The following EXT1 variants were observed in gnomAD, a reference collection of about 807,000 sequenced individuals.
EXT1 encodes exostosin glycosyltransferase 1.
In EXT1, 20 loss-of-function variants were observed where a neutral mutation model predicts 82.5. The ratio of observed to expected loss-of-function variants is 0.24; its 90% CI spans 0.17 to 0.35. The LOEUF is 0.35. Ranked by LOEUF, EXT1 falls within the 10% of genes least tolerant of loss-of-function variation. The probability of loss-of-function intolerance (pLI) is 1.00; values close to 1 mark genes in which losing one functional copy is unlikely to be tolerated. For missense variants in EXT1, 757 were observed against 936.5 expected (o/e 0.81, Z 2.50); for synonymous variants, 348 against 350.8 (o/e 0.99, Z 0.09).
At chr8:117,850,784 T>C (rs1399144493) in intron 1 of EXT1, among the ~76,000 whole-genome samples, 3 of 152,110 alleles carry the variant, frequency 2.0e-5, no homozygotes, top group South Asian at 2.1e-4. Flanking sequence ...AAGTCAACCA[T>C]TGGAGCATTT....
chr8:118,062,907 A>G (rs577936870), intron 1 of EXT1, among the ~76,000 whole-genome samples: 1 of 152,282 alleles, frequency 6.6e-6, no homozygotes, highest in African/African-American at 2.4e-5. Flanking sequence ...TCCCTCAAAC[A>G]CCTCATAACT....
chr8:117,819,013 T>C lies in EXT1; in HGVS notation c.1537-483A>G, dbSNP rs1475736083. Among the ~76,000 whole-genome samples, 5 of 152,220 alleles carry C rather than the reference T, an allele frequency of 3.3e-5. No individual in the cohort carries two copies. The East Asian group carries it at 9.6e-4, about 29-fold the overall frequency. ...GCTAGAACTAAGATGAGCTCATGTTTTGCATGCTCTAGAATGGTTGCTGAT... is the reference window on the plus strand; with the variant it reads ...GCTAGAACTAAGATGAGCTCATGTTCTGCATGCTCTAGAATGGTTGCTGAT... On this transcript the variant is annotated intron_variant, in intron 6 of 10. Coordinates refer to ENST00000378204, the MANE Select transcript of EXT1 (RefSeq NM_000127.3).
intron 1 of EXT1, among the ~76,000 whole-genome samples, chr8:118,082,556 A>G (rs913570274): frequency 2.6e-5 from 4 of 152,218 alleles, no homozygotes; most frequent in African/African-American, 7.2e-5. Context: ...TAAGGTGACA[A>G]TAAGATTGAG....
intron 1 of EXT1, among the ~76,000 whole-genome samples, chr8:117,927,157 C>T (rs897526158): frequency 1.3e-5 from 2 of 152,188 alleles, no homozygotes; most frequent in Non-Finnish European, 1.5e-5. Context: ...CAATTCCACT[C>T]ACTGATTTTT....
intron 1 of EXT1, among the ~76,000 whole-genome samples, chr8:118,008,869 G>GA (rs1815836457): frequency 6.6e-6 from 1 of 152,110 alleles, no homozygotes; most frequent in Non-Finnish European, 1.5e-5. Context: ...TGAAATACAT[G>GA]AAAAATATGT....
chr8:118,021,518 C>T (rs1469552562), intron 1 of EXT1, among the ~76,000 whole-genome samples: 1 of 152,150 alleles, frequency 6.6e-6, no homozygotes, highest in Non-Finnish European at 1.5e-5. Flanking sequence ...GTAAAATGAA[C>T]ACTTCTGGAA....
intron 4 of EXT1, among the ~76,000 whole-genome samples, chr8:117,827,784 C>CAAAAAAAAAAAAAAAAAAAAAAAAAAAA (rs768731740): frequency 3.7e-5 from 2 of 54,128 alleles, no homozygotes; most frequent in Admixed American, 3.1e-4. Context: ...GACTCTGTCT[C>CAAAAAAAAAAAAAAAAAAAAAAAAAAAA]AAAAAAAAAA....
chr8:118,007,661 T>C (rs1246909608), intron 1 of EXT1, among the ~76,000 whole-genome samples: 1 of 152,202 alleles, frequency 6.6e-6, no homozygotes, highest in Non-Finnish European at 1.5e-5. Context: ...AGGTCTAACA[T>C]GATTCTAGAG....
intron 1 of EXT1, among the ~76,000 whole-genome samples, chr8:118,096,884 C>T (rs551166986): frequency 6.6e-6 from 1 of 152,296 alleles, no homozygotes; most frequent in African/African-American, 2.4e-5. Flanking sequence ...TTTAGAGACT[C>T]CATACTTTGA....
Position 117,980,697 on chromosome 8 carries a change from G to GTTTTTTTTTTTTTTTTTTTTTT in EXT1, c.962+129387_962+129388insAAAAAAAAAAAAAAAAAAAAAA, listed in dbSNP as rs1491146564. 7.3e-5 allele frequency among the ~76,000 whole-genome samples: 2 copies of GTTTTTTTTTTTTTTTTTTTTTT among 27,584 alleles called. 1 individual carries two copies. 18.1% of individuals were successfully genotyped at this position (27,584 alleles called of 152,430 possible). On this transcript the variant is annotated intron_variant, in intron 1 of 10. Transcript: ENST00000378204. ...AAGGTTTGTTTGTTCGGGTGTTGGTGGTTTTTTTTTTTTTTTTTTTTTTTT... is the reference window on the plus strand; with the variant it reads ...AAGGTTTGTTTGTTCGGGTGTTGGTGTTTTTTTTTTTTTTTTTTTTTTGTTTTTTTTTTTTTTTTTTTTTTTT...
At chr8:117,821,803 G>A (rs1428019992) in intron 5 of EXT1, among the ~76,000 whole-genome samples, 2 of 152,282 alleles carry the variant, frequency 1.3e-5, no homozygotes, top group African/African-American at 2.4e-5. Flanking sequence ...TTTCTAACAT[G>A]AGAGCAACTG....
At chr8:118,018,362 A>G (rs964782286) in intron 1 of EXT1, among the ~76,000 whole-genome samples, 1 of 152,220 alleles carries the variant, frequency 6.6e-6, no homozygotes, top group Non-Finnish European at 1.5e-5. Flanking sequence ...AGATGAAAGC[A>G]GGGATCAGGA....
chr8:117,953,764 T>C (rs1253169148), intron 1 of EXT1, among the ~76,000 whole-genome samples: 1 of 151,804 alleles, frequency 6.6e-6, no homozygotes, highest in East Asian at 1.9e-4. Flanking sequence ...ATACATACAA[T>C]GTATTAACAA....
chr8:117,801,121 T>A (rs764253622), intron 10 of EXT1, among the ~76,000 whole-genome samples: 3 of 152,242 alleles, frequency 2.0e-5, no homozygotes, highest in Non-Finnish European at 4.4e-5. Context: ...AGAATCATAG[T>A]GTCAACATGC....
intron 1 of EXT1, among the ~76,000 whole-genome samples, chr8:118,100,924 C>A (rs1817707272): frequency 6.6e-6 from 1 of 152,110 alleles, no homozygotes; most frequent in African/African-American, 2.4e-5. Flanking sequence ...CCCTGTAGGT[C>A]TTTACAGAAA....
intron 1 of EXT1, among the ~76,000 whole-genome samples, chr8:117,986,525 T>C (rs1000796776): frequency 2.0e-5 from 3 of 152,168 alleles, no homozygotes; most frequent in African/African-American, 7.2e-5. Context: ...GAAGAATAAA[T>C]TTAGGTCTAA....
chr8:117,801,827 C>T (rs2129685818), intron 10 of EXT1, among the ~76,000 whole-genome samples: 1 of 152,266 alleles, frequency 6.6e-6, no homozygotes, highest in South Asian at 2.1e-4. Flanking sequence ...TTTGATTGGC[C>T]CACTCATTCC....
intron 3 of EXT1, among the ~76,000 whole-genome samples, chr8:117,834,734 T>C (rs1026994436): frequency 5.3e-5 from 8 of 152,090 alleles, no homozygotes; most frequent in African/African-American, 1.7e-4. Context: ...AAAGATAAAG[T>C]GTATGGTACA....
At chr8:118,071,502 C>T (rs1006213104) in intron 1 of EXT1, among the ~76,000 whole-genome samples, 5 of 139,662 alleles carry the variant, frequency 3.6e-5, no homozygotes, top group Admixed American at 1.5e-4. Context: ...TTGGCAATGA[C>T]GATTACCATC....
Sources: allele counts gnomAD v4.1 joint callset (sites outside exome capture counted in the v4.1 genomes callset), GRCh38; gene constraint gnomAD v4.1.1; transcripts MANE v1.5; gene names NCBI Gene and HGNC (gene_info 2026-07-23, HGNC 2026-07-21).